Variants in PTPRK observed in about 807,000 individuals in gnomAD.
PTPRK encodes protein tyrosine phosphatase receptor type K.
PTPRK carries 75 observed loss-of-function variants against 178.0 expected under a neutral mutation model. The ratio of observed to expected loss-of-function variants is 0.42; its 90% CI spans 0.35 to 0.51. The LOEUF is 0.51. Ranked by LOEUF, PTPRK falls within the 20% of genes least tolerant of loss-of-function variation. The pLI is 0.02. For synonymous variants in PTPRK, 637 were observed against 620.6 expected (o/e 1.03, Z -0.39); for missense variants, 1,441 against 1,797.8 (o/e 0.80, Z 3.59).
intron 20 of PTPRK, 55 bp from the exon 21 acceptor site, chr6:127,990,940 A>C: frequency 1.9e-6 from 2 of 1,054,658 alleles, no homozygotes; most frequent in Non-Finnish European, 2.9e-6. Flanking sequence ...CTAATTAGCC[A>C]AGGTGATTTA....
chr6:128,353,990 A>G (rs1833555852), intron 2 of PTPRK, among the ~76,000 whole-genome samples: 1 of 152,136 alleles, frequency 6.6e-6, no homozygotes, highest in Non-Finnish European at 1.5e-5. Flanking sequence ...GGATAAAGGG[A>G]CACAAAAACT....
chr6:128,106,032 C>T (rs1215340380), intron 7 of PTPRK, among the ~76,000 whole-genome samples: 1 of 152,158 alleles, frequency 6.6e-6, no homozygotes, highest in East Asian at 1.9e-4. Context: ...GCTGTGGAAT[C>T]AGACTACAGG....
intron 2 of PTPRK, among the ~76,000 whole-genome samples, chr6:128,352,815 G>A (rs888241181): frequency 2.6e-5 from 4 of 152,174 alleles, no homozygotes; most frequent in Non-Finnish European, 5.9e-5. Flanking sequence ...GCTCAGTAGT[G>A]TAGGAATATG....
intron 1 of PTPRK, among the ~76,000 whole-genome samples, chr6:128,425,912 G>A (rs1844075427): frequency 6.6e-6 from 1 of 152,184 alleles, no homozygotes; most frequent in Non-Finnish European, 1.5e-5. Context: ...TGCTTAAAAA[G>A]AGGGTTTCAT....
chr6:128,151,569 AGT>A (rs1797250948), intron 7 of PTPRK, among the ~76,000 whole-genome samples: 3 of 152,140 alleles, frequency 2.0e-5, no homozygotes, highest in African/African-American at 7.2e-5. Context: ...TAAAAAAAAA[AGT>A]GTGCACACAC....
At chr6:128,023,287 T>TACA (rs996184890) in intron 13 of PTPRK, among the ~76,000 whole-genome samples, 1 of 152,176 alleles carries the variant, frequency 6.6e-6, no homozygotes, top group African/African-American at 2.4e-5. Context: ...AAGCTGAAGT[T>TACA]ACAAGAATCA....
rs1842595052 is a variant in PTPRK, at chr6:128,414,141, A to G, written c.101-16453T>C. On this transcript the variant is annotated intron_variant, in intron 1 of 29. Transcript: ENST00000368226. ...TATTCATCCTAAATATACTTATAAT[A>G]GTAAATAGATACTCACAGAAAAAGT... Among the ~76,000 whole-genome samples the G allele has an allele frequency of 2.6e-5, 4 of 152,302 alleles. No individual in the cohort carries two copies. The South Asian group carries it at 8.3e-4, about 32-fold the overall frequency.
intron 2 of PTPRK, among the ~76,000 whole-genome samples, chr6:128,387,091 C>A (rs1838850467): frequency 6.6e-6 from 1 of 152,032 alleles, no homozygotes; most frequent in Admixed American, 6.6e-5. Context: ...ATAAATCAGA[C>A]AAAAACAAAA....
chr6:127,985,833 T>C lies in PTPRK; in HGVS notation c.3139A>G (p.Thr1047Ala). 2 of 1,613,716 alleles carry C rather than the reference T, an allele frequency of 1.2e-6. No individual in the cohort carries two copies. The highest frequency in any genetic ancestry group is 1.7e-6 in the Non-Finnish European group (2 of 1,179,720). Residue 1047 changes from threonine to alanine, a missense_variant, in exon 22 of 30, where the codon ACG (threonine) becomes GCG (alanine). This residue lies in a region of PTPRK where 335 missense variants were observed against 512.4 expected (regional missense o/e 0.65). Coordinates refer to ENST00000368226, the MANE Select transcript of PTPRK (RefSeq NM_002844.4). ...GGCACTCCATGGTCAGGCCAGCCCG[T>C]GAAATGGAACTGTTTAACTTCACGG... ...EIREVKQFHF[T>A]GWPDHGVPYH... is the part of the protein sequence containing the mutation.
chr6:128,403,989 G>T (rs1304374331), intron 1 of PTPRK, among the ~76,000 whole-genome samples: 1 of 152,140 alleles, frequency 6.6e-6, no homozygotes, highest in Non-Finnish European at 1.5e-5. Context: ...GGCTGTACTT[G>T]AATAAAATTC....
chr6:128,380,589 C>G (rs184695958), intron 2 of PTPRK, among the ~76,000 whole-genome samples: 3 of 151,622 alleles, frequency 2.0e-5, no homozygotes, highest in Admixed American at 2.0e-4. Context: ...CAATATTACA[C>G]TTTTAAAGGG....
chr6:128,472,782 TA>T (rs1180321340), intron 1 of PTPRK: 7 of 232,484 alleles, frequency 3.0e-5, no homozygotes, highest in African/African-American at 1.6e-4. Flanking sequence ...ACACCACAGT[TA>T]TATAATCCAG....
intron 1 of PTPRK, among the ~76,000 whole-genome samples, chr6:128,518,351 G>T (rs1224168304): frequency 6.6e-6 from 1 of 152,152 alleles, no homozygotes; most frequent in East Asian, 1.9e-4. Flanking sequence ...TATCAGAAAA[G>T]CTCATTTTCA....
intron 1 of PTPRK, among the ~76,000 whole-genome samples, chr6:128,447,162 T>C (rs1397525498): frequency 1.3e-5 from 2 of 152,196 alleles, no homozygotes; most frequent in Non-Finnish European, 2.9e-5. Flanking sequence ...AAGCAGCTCC[T>C]GGTTTGAATA....
At chr6:128,281,074 T>C (rs1453920887) in intron 3 of PTPRK, among the ~76,000 whole-genome samples, 1 of 152,216 alleles carries the variant, frequency 6.6e-6, no homozygotes, top group Non-Finnish European at 1.5e-5. Flanking sequence ...GGTCATATTA[T>C]AGCACAAAGC....
At chr6:128,429,125 T>G (rs1844518393) in intron 1 of PTPRK, among the ~76,000 whole-genome samples, 1 of 152,208 alleles carries the variant, frequency 6.6e-6, no homozygotes, top group South Asian at 2.1e-4. Context: ...GTGATGCTAC[T>G]AGTAAACTAG....
intron 3 of PTPRK, among the ~76,000 whole-genome samples, chr6:128,309,139 T>A (rs1363251031): frequency 6.6e-6 from 1 of 152,182 alleles, no homozygotes; most frequent in Non-Finnish European, 1.5e-5. Context: ...TTAATATTTT[T>A]CATTCTTTTT....
intron 13 of PTPRK, among the ~76,000 whole-genome samples, chr6:128,035,781 C>T (rs570417381): frequency 6.6e-6 from 1 of 151,986 alleles, no homozygotes; most frequent in African/African-American, 2.4e-5. Context: ...ACACTTGGGT[C>T]TCCCAGTTAG....
intron 3 of PTPRK, among the ~76,000 whole-genome samples, chr6:128,256,186 GA>G (rs1197837983): frequency 2.0e-5 from 3 of 152,166 alleles, no homozygotes; most frequent in African/African-American, 7.2e-5. Flanking sequence ...AGTTATATGT[GA>G]TAAAGCAGAG....
Sources: gnomAD v4.1 joint callset for allele counts (sites outside exome capture counted in the v4.1 genomes callset) on GRCh38, gnomAD v4.1.1 for gene constraint, gnomAD v4.1.1 regional missense constraint, MANE v1.5 for transcripts, NCBI Gene and HGNC (gene_info 2026-07-23, HGNC 2026-07-21) for gene names.